CCM2: variants seen among roughly 807,000 people sequenced by gnomAD.
CCM2 encodes cerebral cavernous malformations 2 protein.
CCM2 carries 25 observed loss-of-function variants against 44.9 expected under a neutral mutation model. The ratio of observed to expected loss-of-function variants is 0.56; its 90% CI spans 0.41 to 0.78. The LOEUF (loss-of-function observed/expected upper bound fraction) is 0.78, where lower values mean the gene tolerates loss of function less well. Among genes scored for constraint, CCM2 ranks in the 30% least tolerant of loss-of-function variants. The pLI is 0.00. For synonymous variants in CCM2, 219 were observed against 241.1 expected, an observed-to-expected ratio of 0.91 and a Z score of 0.85; for missense variants, 481 against 580.6, an observed-to-expected ratio of 0.83 and a Z score of 1.76.
Position 45,075,787 on chromosome 7 carries a change from C to T in CCM2, c.1065C>T (p.Pro355=). 6.2e-7 allele frequency: 1 copy of T among 1,613,708 alleles called. No homozygotes were observed. The highest frequency in any genetic ancestry group is 1.3e-5 in the African/African-American group (1 of 75,038). ...GTTGTGTGTCTGCAGGTCTGAGGCC[C>T]TTCATCCCTGAGAAGGACAGCCAGC... is the stretch of plus-strand genomic sequence containing the variant. ...SRKFLLLGLR[P]FIPEKDSQHF... is the part of the protein sequence containing the mutation. The change falls in exon 10 of 10, where the codon CCC becomes CCT. Residue 355 remains proline (P), a synonymous_variant. Coordinates refer to ENST00000258781, the MANE Select transcript of CCM2 (RefSeq NM_031443.4).
intron 1 of CCM2, among the ~76,000 whole-genome samples, chr7:45,020,141 A>G (rs1796428256): frequency 6.6e-6 from 1 of 152,188 alleles, no homozygotes. Flanking sequence ...AGACTGGGGC[A>G]TACTCTCAGG....
intron 1 of CCM2, among the ~76,000 whole-genome samples, chr7:45,017,337 G>A (rs114622882): frequency 3.3e-4 from 50 of 152,312 alleles, no homozygotes; most frequent in Non-Finnish European, 6.5e-4. Flanking sequence ...TCTATAAACT[G>A]GCTAGAACCA....
chr7:45,006,113 G>A (rs191800770), intron 1 of CCM2, among the ~76,000 whole-genome samples: 5 of 152,300 alleles, frequency 3.3e-5, no homozygotes, highest in Admixed American at 3.3e-4. Flanking sequence ...TTTGGTAAGA[G>A]TGATCAGGAA....
At chr7:45,065,762 C>T (rs1798742105) in intron 4 of CCM2, among the ~76,000 whole-genome samples, 1 of 151,324 alleles carries the variant, frequency 6.6e-6, no homozygotes, top group South Asian at 2.1e-4. Flanking sequence ...CTTGCGTACA[C>T]CCTCCCCAAC....
At chr7:45,044,034 T>G (rs147100490) in intron 2 of CCM2, among the ~76,000 whole-genome samples, 4 of 152,362 alleles carry the variant, frequency 2.6e-5, no homozygotes, top group Admixed American at 2.6e-4. Context: ...ATTAGTTGTT[T>G]AGTTTGTGAT....
At chr7:45,005,196 A>T (rs1389597179) in intron 1 of CCM2, among the ~76,000 whole-genome samples, 1 of 152,244 alleles carries the variant, frequency 6.6e-6, no homozygotes, top group Non-Finnish European at 1.5e-5. Context: ...GGAGGTGCTC[A>T]GCAGAGAACC....
chr7:45,018,799 C>T (rs866409403), intron 1 of CCM2, among the ~76,000 whole-genome samples: 45 of 144,656 alleles, frequency 3.1e-4, no homozygotes, highest in Middle Eastern at 8.0e-3. Context: ...CTTACTCTGT[C>T]GCCAGGCTGG....
chr7:45,002,085 C>T (rs1332310186), intron 1 of CCM2, among the ~76,000 whole-genome samples: 2 of 152,210 alleles, frequency 1.3e-5, no homozygotes, highest in Non-Finnish European at 2.9e-5. Context: ...GCAGAACCTT[C>T]CTGCTCAGCT....
intron 1 of CCM2, among the ~76,000 whole-genome samples, chr7:45,001,504 G>A (rs1247477913): frequency 1.3e-5 from 2 of 152,252 alleles, no homozygotes; most frequent in Non-Finnish European, 2.9e-5. Context: ...AAGGAGAGGT[G>A]CTAACCCGGT....
At chr7:45,057,616 T>C (rs2128743896) in intron 2 of CCM2, among the ~76,000 whole-genome samples, 1 of 152,330 alleles carries the variant, frequency 6.6e-6, no homozygotes, top group Middle Eastern at 3.4e-3. Context: ...TTGGTTTATA[T>C]GAGCAGATAG....
At chr7:45,074,099 G>C in intron 8 of CCM2, 171 bp from the exon 9 acceptor site, 1 of 1,440,938 alleles carries the variant, frequency 6.9e-7, no homozygotes, top group East Asian at 2.5e-5. Flanking sequence ...CCCGTGCCAG[G>C]TCTGGTAGGA....
chr7:45,049,149 G>T (rs1797887246), intron 2 of CCM2, among the ~76,000 whole-genome samples: 2 of 152,098 alleles, frequency 1.3e-5, no homozygotes, highest in African/African-American at 2.4e-5. Flanking sequence ...TGGTGATGGG[G>T]TCTTGCCATG....
At chr7:45,027,881 C>A in intron 1 of CCM2, 2 of 1,412,614 alleles carry the variant, frequency 1.4e-6, no homozygotes, top group Non-Finnish European at 2.0e-6. Context: ...GGCTGCTTCC[C>A]AGGGCTTGCC....
chr7:45,033,625 C>T (rs73107921), intron 1 of CCM2, among the ~76,000 whole-genome samples: 8,551 of 152,198 alleles, frequency 0.056, 297 homozygotes, highest in African/African-American at 0.089. Flanking sequence ...TTAGGGACAG[C>T]CATTTTCCTG....
At chr7:45,060,021 G>T (rs1440032460) in intron 2 of CCM2, among the ~76,000 whole-genome samples, 1 of 152,130 alleles carries the variant, frequency 6.6e-6, no homozygotes, top group African/African-American at 2.4e-5. Flanking sequence ...AAAAATAAAA[G>T]ATTAATTTTA....
intron 8 of CCM2, 196 bp from the exon 9 acceptor site, chr7:45,074,074 T>TCACGGAG: frequency 8.2e-7 from 1 of 1,221,040 alleles, no homozygotes; most frequent in African/African-American, 1.5e-5. Flanking sequence ...GGTGCCTTGG[T>TCACGGAG]CTCCTCTGGG....
At chr7:45,052,621 G>A (rs1034858067) in intron 2 of CCM2, among the ~76,000 whole-genome samples, 15 of 152,134 alleles carry the variant, frequency 9.9e-5, no homozygotes, top group African/African-American at 3.6e-4. Flanking sequence ...AGTGTTTACC[G>A]CATCAGTAGC....
intron 1 of CCM2, among the ~76,000 whole-genome samples, chr7:45,015,974 C>T (rs1796248073): frequency 1.3e-5 from 2 of 152,322 alleles, no homozygotes; most frequent in South Asian, 2.1e-4. Flanking sequence ...TCTGTTTATC[C>T]CTCCTTTTAT....
At chr7:45,009,314 A>G (rs151275680) in intron 1 of CCM2, among the ~76,000 whole-genome samples, 6 of 127,334 alleles carry the variant, frequency 4.7e-5, no homozygotes, top group Admixed American at 3.5e-4. Context: ...AAAAAAAAAA[A>G]AAAAAAAATT....
Sources: gnomAD v4.1 joint callset for allele counts (sites outside exome capture counted in the v4.1 genomes callset) on GRCh38, gnomAD v4.1.1 for gene constraint, MANE v1.5 for transcripts, NCBI Gene and HGNC (gene_info 2026-07-23, HGNC 2026-07-21) for gene names.